TENM3: variants seen among roughly 807,000 people sequenced by gnomAD.
TENM3 encodes the protein teneurin-3.
TENM3 carries 63 observed loss-of-function variants against 255.1 expected under a neutral mutation model. The ratio of observed to expected loss-of-function variants is 0.25; its 90% CI spans 0.20 to 0.30. The LOEUF (loss-of-function observed/expected upper bound fraction) is 0.30. Ranked by LOEUF, TENM3 falls within the 10% of genes least tolerant of loss-of-function variation. TENM3 has a pLI of 1.00. For missense variants in TENM3, 2,929 were observed against 3,461.1 expected (o/e 0.85, Z 3.86); for synonymous variants, 1,306 against 1,322.3 (o/e 0.99, Z 0.27).
At chr4:181,739,850 G>A in the TENM3 span, among the ~76,000 whole-genome samples, 84 of 151,984 alleles carry the variant, frequency 5.5e-4, no homozygotes, top group African/African-American at 1.9e-3. Context: ...TTAAATAATC[G>A]CATTCTCTTC....
At chr4:182,665,556 G>T (rs552053842) in intron 6 of TENM3, among the ~76,000 whole-genome samples, 1 of 152,002 alleles carries the variant, frequency 6.6e-6, no homozygotes, top group Non-Finnish European at 1.5e-5. Context: ...GGCTATCATA[G>T]ATAGATAGTG....
upstream of TENM3, chr4:182,144,421 G>C (rs1749740496): frequency 6.6e-6 from 1 of 152,310 alleles, no homozygotes; most frequent in African/African-American, 2.4e-5. Flanking sequence ...GGCCCGGCCT[G>C]GTCCGCCGCC....
chr4:182,611,215 A>T (rs1385989719), intron 4 of TENM3, among the ~76,000 whole-genome samples: 1 of 152,024 alleles, frequency 6.6e-6, no homozygotes, highest in Non-Finnish European at 1.5e-5. Flanking sequence ...GAAAAAAACA[A>T]AACCTCAACC....
chr4:182,338,551 A>G (rs1001417249), intron 2 of TENM3, among the ~76,000 whole-genome samples: 1 of 152,180 alleles, frequency 6.6e-6, no homozygotes, highest in African/African-American at 2.4e-5. Context: ...GTTTCTTTAT[A>G]TTGTATGTTC....
the TENM3 span, among the ~76,000 whole-genome samples, chr4:181,600,851 A>G: frequency 2.6e-5 from 4 of 152,052 alleles, no homozygotes; most frequent in African/African-American, 7.2e-5. Flanking sequence ...AGAAAAAAAA[A>G]AAACAAAGCT....
chr4:182,298,695 G>A (rs766492414), intron 1 of TENM3, among the ~76,000 whole-genome samples: 2 of 151,968 alleles, frequency 1.3e-5, no homozygotes, highest in African/African-American at 2.4e-5. Flanking sequence ...TAATGGGATC[G>A]GGCATGGTGG....
intron 3 of TENM3, among the ~76,000 whole-genome samples, chr4:182,590,972 T>G (rs1746587345): frequency 6.6e-6 from 1 of 152,252 alleles, no homozygotes; most frequent in Admixed American, 6.5e-5. Flanking sequence ...TGCTTTTGGC[T>G]TATTCTTTCT....
chr4:181,942,286 T>C, the TENM3 span, among the ~76,000 whole-genome samples: 1 of 144,258 alleles, frequency 6.9e-6, no homozygotes, highest in Non-Finnish European at 1.5e-5. Flanking sequence ...TTTTTTTTTT[T>C]TCAATTTTTC....
chr4:181,692,456 C>A, the TENM3 span, among the ~76,000 whole-genome samples: 1 of 152,270 alleles, frequency 6.6e-6, no homozygotes, highest in South Asian at 2.1e-4. Context: ...AAAGTTCTAA[C>A]AAGATGCATG....
At position 182,151,787 on chromosome 4, in the gene TENM3, A is replaced by G. The variant is rs190065056; in HGVS notation, c.-76+7033A>G. 2.5e-3 allele frequency among the ~76,000 whole-genome samples: 383 copies of G among 152,196 alleles called. 1 individual carries two copies. Among genetic ancestry groups the G allele is most frequent in the Admixed American group, 5.7e-3 (87 of 15,270 alleles). ...TTAAAACTTTAAAATTTTTTCACTTAAATTTTGTGTAATGATGAGAATAGT... is the reference window on the plus strand; with the variant it reads ...TTAAAACTTTAAAATTTTTTCACTTGAATTTTGTGTAATGATGAGAATAGT... On this transcript the variant is annotated intron_variant, in intron 1 of 2. Transcript: ENST00000512480.
chr4:181,727,252 G>A, the TENM3 span, among the ~76,000 whole-genome samples: 2 of 152,062 alleles, frequency 1.3e-5, no homozygotes, highest in Non-Finnish European at 2.9e-5. Flanking sequence ...AGCCCCCACC[G>A]CCATCTTGTG....
rs567407289 is a variant in TENM3 at position 182,204,170 on chromosome 4, G to A, written c.-76+59416G>A. Among the ~76,000 whole-genome samples, 4 of 152,310 alleles carry A rather than the reference G, an allele frequency of 2.6e-5. No homozygotes were observed. The East Asian group carries it at 5.8e-4, about 22-fold the overall frequency. On this transcript the variant is annotated intron_variant, in intron 1 of 2. Coordinates refer to the TENM3 transcript ENST00000512480. ...AGGTTTTGAGGCTCATTATGATTAC[G>A]AAATGTAAGGAATCCAGATTTTGCT... is the stretch of plus-strand genomic sequence containing the variant.
At chr4:182,323,625 A>G (rs569503657) in intron 1 of TENM3, among the ~76,000 whole-genome samples, 1 of 152,274 alleles carries the variant, frequency 6.6e-6, no homozygotes, top group Non-Finnish European at 1.5e-5. Flanking sequence ...AATTTAACAA[A>G]CTATTGAAGC....
the TENM3 span, among the ~76,000 whole-genome samples, chr4:181,487,824 C>A: frequency 6.6e-6 from 1 of 151,830 alleles, no homozygotes; most frequent in East Asian, 1.9e-4. Context: ...GCAGGGTGTG[C>A]GGGAAAAAGA....
chr4:181,576,678 T>C, the TENM3 span, among the ~76,000 whole-genome samples: 6 of 152,032 alleles, frequency 3.9e-5, no homozygotes, highest in Non-Finnish European at 8.8e-5. Flanking sequence ...TAAGGGAAAG[T>C]CACCCACAGA....
At chr4:181,718,413 A>T in the TENM3 span, among the ~76,000 whole-genome samples, 1 of 152,190 alleles carries the variant, frequency 6.6e-6, no homozygotes, top group African/African-American at 2.4e-5. Flanking sequence ...CCCAACGTTC[A>T]GTTTGAGTCC....
chr4:181,962,294 C>A, the TENM3 span, among the ~76,000 whole-genome samples: 1 of 152,178 alleles, frequency 6.6e-6, no homozygotes, highest in African/African-American at 2.4e-5. Flanking sequence ...ATCCAAATTC[C>A]AGAATTTTAT....
chr4:182,764,975 A>G (rs569716609), intron 22 of TENM3, among the ~76,000 whole-genome samples: 1 of 152,326 alleles, frequency 6.6e-6, no homozygotes, highest in South Asian at 2.1e-4. Flanking sequence ...TGTAAGAGGT[A>G]AGGGCAAAAG....
chr4:181,992,052 G>A, the TENM3 span, among the ~76,000 whole-genome samples: 6 of 152,040 alleles, frequency 3.9e-5, no homozygotes, highest in Non-Finnish European at 7.4e-5. Context: ...TTACCAAACC[G>A]TGTGTGTTCA....
Sources: allele counts gnomAD v4.1 joint callset (sites outside exome capture counted in the v4.1 genomes callset), GRCh38; gene constraint gnomAD v4.1.1; transcripts MANE v1.5; gene names NCBI Gene and HGNC (gene_info 2026-07-23, HGNC 2026-07-21).